Variants in RNF24 observed in about 807,000 individuals in gnomAD.
The protein encoded by RNF24 is ring finger protein 24.
Under a neutral mutation model 20.0 loss-of-function variants are expected in RNF24, and 14 were observed. The ratio of observed to expected loss-of-function variants is 0.70; its 90% CI spans 0.46 to 1.10. The LOEUF is 1.10. Ranked by LOEUF, RNF24 falls within the 50% of genes least tolerant of loss-of-function variation. The pLI is 0.00. For synonymous variants in RNF24, 45 were observed against 61.1 expected, an observed-to-expected ratio of 0.74 and a Z score of 1.23; for missense variants, 124 against 177.6, an observed-to-expected ratio of 0.70 and a Z score of 1.71.
rs774482008 is a variant in RNF24, at chr20:3,931,082, CCT to C, written c.*2979_*2980del. 2.0e-5 allele frequency: 3 copies of C among 152,340 alleles called. No homozygotes were observed. The highest frequency in any genetic ancestry group is 1.9e-4 in the East Asian group (1 of 5,186). 9.4% of individuals were successfully genotyped at this position (152,340 alleles called of 1,614,324 possible). A position where few individuals can be genotyped will look rare whatever the true frequency, so the allele number is the denominator to read the frequency against. Reference sequence around the variant, plus strand: ...GAATCAAGTCAGGCTGGTTTTGTTCCCTGTTTCTGAAGGCAGTTGAATTCAGT... The same window carrying C: ...GAATCAAGTCAGGCTGGTTTTGTTCCGTTTCTGAAGGCAGTTGAATTCAGT... On this transcript the variant is annotated 3_prime_UTR_variant, in exon 6 of 6. Coordinates refer to ENST00000358395, the MANE Select transcript of RNF24 (RefSeq NM_001134337.3).
intron 2 of RNF24, among the ~76,000 whole-genome samples, chr20:3,950,798 T>C (rs2091072567): frequency 6.6e-6 from 1 of 152,196 alleles, no homozygotes; most frequent in Non-Finnish European, 1.5e-5. Flanking sequence ...TAAATTAACA[T>C]TGATATATTA....
At chr20:4,014,173 C>G (rs1231085139) in intron 1 of RNF24, among the ~76,000 whole-genome samples, 1 of 152,190 alleles carries the variant, frequency 6.6e-6, no homozygotes, top group Admixed American at 6.5e-5. Context: ...GGCTGTACAA[C>G]CAGACAACAG....
intron 2 of RNF24, among the ~76,000 whole-genome samples, chr20:3,958,877 G>C (rs6139256): frequency 6.6e-6 from 1 of 152,148 alleles, no homozygotes; most frequent in African/African-American, 2.4e-5. Context: ...CCTAACCTCA[G>C]GTGATCCACC....
intron 1 of RNF24, among the ~76,000 whole-genome samples, chr20:3,992,731 C>T (rs1463583992): frequency 6.6e-6 from 1 of 152,146 alleles, no homozygotes; most frequent in African/African-American, 2.4e-5. Context: ...CTTTAAATTT[C>T]ATGGAAACTG....
At chr20:3,953,735 T>G (rs1043199503) in intron 2 of RNF24, among the ~76,000 whole-genome samples, 15 of 148,860 alleles carry the variant, frequency 1.0e-4, no homozygotes, top group African/African-American at 3.8e-4. Context: ...ATATAATTAT[T>G]CATATTTTCA....
chr20:3,950,531 A>C (rs1001311581), intron 2 of RNF24, among the ~76,000 whole-genome samples: 20 of 152,226 alleles, frequency 1.3e-4, no homozygotes, highest in African/African-American at 4.6e-4. Context: ...AGCCTTCACA[A>C]TTGTAAGAAA....
Position 3,934,258 on chromosome 20 carries a change from G to C in RNF24, c.309-57C>G. 2 of 1,544,886 alleles carry C rather than the reference G, an allele frequency of 1.3e-6. No individual in the cohort carries two copies. Among genetic ancestry groups the C allele is most frequent in the East Asian group, 2.4e-5 (1 of 41,386 alleles). On this transcript the variant is annotated intron_variant, in intron 5 of 5. Transcript: ENST00000358395. This position sits in a 1 kb window ranked among gnomAD's most constrained non-coding sequence, Gnocchi z 4.0. ...TCAGTCCTATGCTCATGGCACGGCT[G>C]TTCTGCTGAACATCTCCATATCTGT...
intron 4 of RNF24, among the ~76,000 whole-genome samples, chr20:3,941,898 A>G (rs1203076176): frequency 6.6e-6 from 1 of 151,980 alleles, no homozygotes; most frequent in African/African-American, 2.4e-5. Flanking sequence ...ACATGGTGAA[A>G]CCCCATCTCT....
chr20:3,962,210 G>T (rs1023537045), intron 2 of RNF24, among the ~76,000 whole-genome samples: 1 of 152,044 alleles, frequency 6.6e-6, no homozygotes, highest in Non-Finnish European at 1.5e-5. Context: ...AAAAAAATTG[G>T]CCAGGTGTGG....
chr20:3,945,576 G>A (rs1198677405), intron 3 of RNF24, among the ~76,000 whole-genome samples: 1 of 152,130 alleles, frequency 6.6e-6, no homozygotes, highest in Admixed American at 6.5e-5. Flanking sequence ...TTAGCTGGAT[G>A]TGGTGGCGCC....
At chr20:3,980,243 A>T (rs116402738) in intron 1 of RNF24, among the ~76,000 whole-genome samples, 1,547 of 152,342 alleles carry the variant, frequency 0.01, 17 homozygotes, top group African/African-American at 0.035. Flanking sequence ...GGAACTCGCT[A>T]AACTTGCATA....
At chr20:3,937,543 T>C (rs886714287) in intron 4 of RNF24, among the ~76,000 whole-genome samples, 1 of 152,082 alleles carries the variant, frequency 6.6e-6, no homozygotes, top group Non-Finnish European at 1.5e-5. Flanking sequence ...TTCCAGAACA[T>C]TTGCATCAAA....
At chr20:3,980,274 C>CAGT (rs1568646861) in intron 1 of RNF24, among the ~76,000 whole-genome samples, 1 of 152,212 alleles carries the variant, frequency 6.6e-6, no homozygotes. Context: ...CTGCTATGTA[C>CAGT]AGTAGTCCCT....
intron 4 of RNF24, among the ~76,000 whole-genome samples, chr20:3,943,912 T>TA (rs1311269775): frequency 6.6e-6 from 1 of 152,016 alleles, no homozygotes; most frequent in Admixed American, 6.6e-5. Flanking sequence ...CTAGGAAAAG[T>TA]AAAAAATCAA....
At position 3,946,693 on chromosome 20, in the gene RNF24, C is replaced by CAAA. The variant is rs59440287; in HGVS notation, c.187-1478_187-1476dup. Reference sequence around the variant, plus strand: ...CCAGTCTGGGTGACAGAGACCCCGTCAAAAAAAAAAAAAAAAAAAGATTAT... The same window carrying CAAA: ...CCAGTCTGGGTGACAGAGACCCCGTCAAAAAAAAAAAAAAAAAAAAAAGATTAT... On this transcript the variant is annotated intron_variant, in intron 3 of 5. Coordinates refer to ENST00000358395, the MANE Select transcript of RNF24 (RefSeq NM_001134337.3). Among the ~76,000 whole-genome samples the CAAA allele has an allele frequency of 7.6e-3, 796 of 104,374 alleles. 23 individuals are homozygous for CAAA. The highest frequency in any genetic ancestry group is 0.029 in the African/African-American group (753 of 25,584). The allele number at this position is 104,374 out of a possible 152,430, so 68.5% of individuals were successfully genotyped here. A position where few individuals can be genotyped will look rare whatever the true frequency, so the allele number is the denominator to read the frequency against.
rs138513476 is a variant in RNF24, at chr20:3,967,946, T to C, written c.-7-3922A>G. On this transcript the variant is annotated intron_variant, in intron 1 of 5. Coordinates refer to ENST00000358395, the MANE Select transcript of RNF24 (RefSeq NM_001134337.3). The stretch of plus-strand genomic sequence containing the variant: ...AGTCGGAAGTTGCAGTGAGCCGAGA[T>C]TGCGCCACTGCACTCCAGCCTGGCA... Among the ~76,000 whole-genome samples the C allele has an allele frequency of 9.2e-3, 1,231 of 134,342 alleles. 18 individuals carry two copies. Among genetic ancestry groups the C allele is most frequent in the African/African-American group, 0.034 (1,170 of 34,888 alleles). The allele number at this position is 134,342 out of a possible 152,430, so 88.1% of individuals were successfully genotyped here. A position where few individuals can be genotyped will look rare whatever the true frequency, so the allele number is the denominator to read the frequency against.
intron 1 of RNF24, among the ~76,000 whole-genome samples, chr20:3,997,229 C>T (rs150060355): frequency 2.0e-5 from 1 of 51,234 alleles, no homozygotes; most frequent in Admixed American, 2.2e-4. Flanking sequence ...GACTCCATCT[C>T]AAAAAAAAAA....
chr20:3,973,254 CAT>C (rs1327450963), intron 1 of RNF24, among the ~76,000 whole-genome samples: 1 of 151,390 alleles, frequency 6.6e-6, no homozygotes, highest in Non-Finnish European at 1.5e-5. Context: ...ATTTGAGAGA[CAT>C]AGGTAAAGTA....
chr20:4,006,368 C>CA lies in RNF24; in HGVS notation c.-8+9068dup, dbSNP rs11475896. Among the ~76,000 whole-genome samples the CA allele has an allele frequency of 3.7e-3, 477 of 128,104 alleles. 2 individuals carry two copies. The highest frequency in any genetic ancestry group is 0.013 in the South Asian group (57 of 4,254). 84.0% of individuals were successfully genotyped at this position (128,104 alleles called of 152,430 possible). Reference sequence around the variant, plus strand: ...TGGGTGACAGAGCAAGTCTCTGTCTCAAAAAAAAAAAAAAGTCTATGGTTT... The same window carrying CA: ...TGGGTGACAGAGCAAGTCTCTGTCTCAAAAAAAAAAAAAAAGTCTATGGTTT... On this transcript the variant is annotated intron_variant, in intron 1 of 5. Coordinates refer to ENST00000358395, the MANE Select transcript of RNF24 (RefSeq NM_001134337.3).
Sources: allele counts gnomAD v4.1 joint callset (sites outside exome capture counted in the v4.1 genomes callset), GRCh38; gene constraint gnomAD v4.1.1; non-coding constraint Gnocchi (gnomAD v3.1); transcripts MANE v1.5; gene names NCBI Gene and HGNC (gene_info 2026-07-23, HGNC 2026-07-21).